C3orf70: variants seen among roughly 807,000 people sequenced by gnomAD.
C3orf70 encodes UPF0524 protein C3orf70.
In C3orf70, 15 loss-of-function variants were observed where a neutral mutation model predicts 20.7. That is an observed-to-expected ratio of 0.72 (90% confidence interval 0.48 to 1.11). C3orf70 has a LOEUF of 1.11. C3orf70 is among the 50% of genes most tolerant of loss of function. The pLI, the probability that C3orf70 is intolerant of heterozygous loss-of-function variation, is 0.00. For synonymous variants in C3orf70, 161 were observed against 125.7 expected (o/e 1.28, Z -1.88); for missense variants, 332 against 317.6 (o/e 1.05, Z -0.34).
intron 1 of C3orf70, among the ~76,000 whole-genome samples, chr3:185,126,329 T>C (rs76385346): frequency 3.1e-3 from 476 of 152,278 alleles, no homozygotes; most frequent in Middle Eastern, 0.014. Flanking sequence ...GCCTATTTCC[T>C]AGGTAAAATA....
chr3:185,146,743 A>G (rs1468653901), intron 1 of C3orf70, among the ~76,000 whole-genome samples: 1 of 152,226 alleles, frequency 6.6e-6, no homozygotes, highest in Non-Finnish European at 1.5e-5. Flanking sequence ...CTTTAGGAAA[A>G]CCAGGTGGCA....
rs1196661637 is a variant in C3orf70 at position 185,080,560 on chromosome 3, G to C, written c.*2447C>G. On this transcript the variant is annotated 3_prime_UTR_variant, in exon 2 of 2. Transcript: ENST00000335012. ...CCTTTATACGCCCATCTGGAGAACGGGCTCACCCACAGGGTGAATCTAGAC... is the reference window on the plus strand; with the variant it reads ...CCTTTATACGCCCATCTGGAGAACGCGCTCACCCACAGGGTGAATCTAGAC... 1 of 152,726 alleles carries C rather than the reference G, an allele frequency of 6.5e-6. No homozygotes were observed. Among genetic ancestry groups the C allele is most frequent in the African/African-American group, 2.4e-5 (1 of 41,464 alleles). 9.5% of individuals were successfully genotyped at this position (152,726 alleles called of 1,614,324 possible).
At position 185,144,992 on chromosome 3, in the gene C3orf70, C is replaced by T. The variant is rs148875051; in HGVS notation, c.196+7636G>A. ...AATCTACCCAAAGTCACCCTGCAAACAATAAGACTCACAGTTCAAACACAG... is the reference window on the plus strand; with the variant it reads ...AATCTACCCAAAGTCACCCTGCAAATAATAAGACTCACAGTTCAAACACAG... On this transcript the variant is annotated intron_variant, in intron 1 of 1. Coordinates refer to ENST00000335012, the MANE Select transcript of C3orf70 (RefSeq NM_001025266.3). Among the ~76,000 whole-genome samples, 86 of 152,314 alleles carry T rather than the reference C, an allele frequency of 5.6e-4. 1 individual carries two copies. The highest frequency in any genetic ancestry group is 1.9e-3 in the African/African-American group (79 of 41,580).
At chr3:185,143,137 T>C (rs74392348) in intron 1 of C3orf70, among the ~76,000 whole-genome samples, 3,185 of 152,296 alleles carry the variant, frequency 0.021, 50 homozygotes, top group East Asian at 0.094. Flanking sequence ...TAGAAAAATG[T>C]CCTCATTCTT....
Position 185,117,449 on chromosome 3 carries a change from AC to A in C3orf70, c.197-33887del, listed in dbSNP as rs1482107731. ...CACACACACACACACACACACACAC[AC>A]AGAAAGAGAGAGAGAGAGAGAGAGA... On this transcript the variant is annotated intron_variant, in intron 1 of 1. Transcript: ENST00000335012. 9.5e-4 allele frequency among the ~76,000 whole-genome samples: 123 copies of A among 129,936 alleles called. 1 individual carries two copies. Among genetic ancestry groups the A allele is most frequent in the African/African-American group, 4.2e-3 (114 of 26,978 alleles). 85.2% of individuals were successfully genotyped at this position (129,936 alleles called of 152,430 possible). A position where few individuals can be genotyped will look rare whatever the true frequency, so the allele number is the denominator to read the frequency against.
chr3:185,087,912 C>CT (rs1561327376), intron 1 of C3orf70, among the ~76,000 whole-genome samples: 19 of 114,610 alleles, frequency 1.7e-4, no homozygotes, highest in African/African-American at 4.0e-4. Flanking sequence ...TAGTTTTATA[C>CT]ATTTTTTTTT....
chr3:185,104,174 T>C (rs1309235642), intron 1 of C3orf70, among the ~76,000 whole-genome samples: 1 of 152,226 alleles, frequency 6.6e-6, no homozygotes, highest in Non-Finnish European at 1.5e-5. Flanking sequence ...TATTAAACTT[T>C]CCCTCCAACC....
At chr3:185,086,734 C>T (rs563704664) in intron 1 of C3orf70, among the ~76,000 whole-genome samples, 1 of 152,152 alleles carries the variant, frequency 6.6e-6, no homozygotes, top group South Asian at 2.1e-4. Context: ...CTACAAGGTA[C>T]GTCTATTAAA....
chr3:185,152,555 G>T, intron 1 of C3orf70, 73 bp downstream of exon 1: 1 of 1,394,028 alleles, frequency 7.2e-7, no homozygotes, highest in Non-Finnish European at 9.6e-7. Context: ...CAGAGTTCCG[G>T]CAGCGACCCC....
At chr3:185,091,717 C>T (rs570619955) in intron 1 of C3orf70, among the ~76,000 whole-genome samples, 4 of 149,654 alleles carry the variant, frequency 2.7e-5, no homozygotes, top group Non-Finnish European at 4.4e-5. Context: ...CAGAGTCTTG[C>T]TCTGTTGTGC....
Position 185,081,603 on chromosome 3 carries a change from G to A in C3orf70, c.*1404C>T. ...CCAGGATTTGAAACTATGCCTCATG[G>A]ATAGAAGGTTTGGAGAAATAGCAGT... On this transcript the variant is annotated 3_prime_UTR_variant, in exon 2 of 2. Transcript: ENST00000335012. 6.6e-6 allele frequency: 1 copy of A among 152,250 alleles called. No individual in the cohort carries two copies. Among genetic ancestry groups the A allele is most frequent in the East Asian group, 1.9e-4 (1 of 5,194 alleles). The allele number at this position is 152,250 out of a possible 1,614,324, so 9.4% of individuals were successfully genotyped here.
At chr3:185,152,557 AGCGACCCCGGACGGCCCGGCGG>A in intron 1 of C3orf70, 49 bp downstream of exon 1, 1 of 1,401,688 alleles carries the variant, frequency 7.1e-7, no homozygotes. Flanking sequence ...GAGTTCCGGC[AGCGACCCCGGACGGCCCGGCGG>A]GCGTCCCCCG....
chr3:185,139,424 A>G (rs1019375585), intron 1 of C3orf70, among the ~76,000 whole-genome samples: 1 of 151,662 alleles, frequency 6.6e-6, no homozygotes, highest in Non-Finnish European at 1.5e-5. Flanking sequence ...GTGGTGGTGC[A>G]CGCCTGTAAT....
chr3:185,092,859 C>T (rs1446746665), intron 1 of C3orf70, among the ~76,000 whole-genome samples: 1 of 152,076 alleles, frequency 6.6e-6, no homozygotes, highest in Admixed American at 6.5e-5. Flanking sequence ...GGTGCGGTGG[C>T]ACATGCCTGT....
intron 1 of C3orf70, among the ~76,000 whole-genome samples, chr3:185,086,761 G>A (rs907639013): frequency 6.6e-6 from 1 of 152,148 alleles, no homozygotes; most frequent in Non-Finnish European, 1.5e-5. Flanking sequence ...TACTCAGAGC[G>A]AGGGTGAGAG....
chr3:185,123,178 C>CAA (rs34803531), intron 1 of C3orf70, among the ~76,000 whole-genome samples: 2,232 of 90,248 alleles, frequency 0.025, 118 homozygotes, highest in African/African-American at 0.085. Context: ...GACTCCATCT[C>CAA]AAAAAAAAAA....
intron 1 of C3orf70, among the ~76,000 whole-genome samples, chr3:185,150,093 T>TG: frequency 6.6e-6 from 1 of 152,132 alleles, no homozygotes; most frequent in Non-Finnish European, 1.5e-5. Flanking sequence ...GTTGGTAGGA[T>TG]TTCAATAAGG....
At chr3:185,138,701 T>A (rs1369646535) in intron 1 of C3orf70, among the ~76,000 whole-genome samples, 1 of 152,208 alleles carries the variant, frequency 6.6e-6, no homozygotes, top group Non-Finnish European at 1.5e-5. Context: ...TAATACCCAT[T>A]CAAGATTTTT....
At chr3:185,117,922 T>C (rs966908439) in intron 1 of C3orf70, among the ~76,000 whole-genome samples, 2 of 152,214 alleles carry the variant, frequency 1.3e-5, no homozygotes, top group African/African-American at 4.8e-5. Flanking sequence ...CATCCTTCAG[T>C]TGTCAGGTTT....
Sources: gnomAD v4.1 joint callset for allele counts (sites outside exome capture counted in the v4.1 genomes callset) on GRCh38, gnomAD v4.1.1 for gene constraint, MANE v1.5 for transcripts, NCBI Gene and HGNC (gene_info 2026-07-23, HGNC 2026-07-21) for gene names.